SLC6A4: variants seen among roughly 807,000 people sequenced by gnomAD.
The protein encoded by SLC6A4 is sodium-dependent serotonin transporter.
A neutral mutation model predicts 73.4 loss-of-function variants in SLC6A4; 22 were observed. The observed-to-expected ratio is 0.30, with a 90% confidence interval of 0.21 to 0.43. The LOEUF is 0.43. Among genes scored for constraint, SLC6A4 ranks in the 20% least tolerant of loss-of-function variants. The pLI is 1.00. For missense variants in SLC6A4, 593 were observed against 808.5 expected (o/e 0.73, Z 3.23); for synonymous variants, 270 against 315.5 (o/e 0.86, Z 1.53).
At chr17:30,203,536 G>T in intron 13 of SLC6A4, 197 bp from the exon 14 acceptor site, 1 of 569,902 alleles carries the variant, frequency 1.8e-6, no homozygotes, top group Non-Finnish European at 3.1e-6. Context: ...ACACCAGCCA[G>T]GTGCTTTCCC....
intron 1 of SLC6A4, among the ~76,000 whole-genome samples, chr17:30,225,668 T>G (rs968003140): frequency 6.6e-6 from 1 of 152,186 alleles, no homozygotes; most frequent in African/African-American, 2.4e-5. Context: ...GGATGTGTGC[T>G]GTTGTTCCAG....
At chr17:30,218,476 G>T in intron 4 of SLC6A4, 139 bp from the exon 5 acceptor site, 1 of 683,778 alleles carries the variant, frequency 1.5e-6, no homozygotes. Context: ...CCATTCCAAG[G>T]ACTCCAGGCC....
chr17:30,198,594 CAACATT>C, intron 14 of SLC6A4, 64 bp from the exon 15 acceptor site: 2 of 882,512 alleles, frequency 2.3e-6, no homozygotes, highest in Admixed American at 1.9e-5. Flanking sequence ...CAAAAATAGT[CAACATT>C]AATATTAAAA....
At position 30,230,122 on chromosome 17, in the gene SLC6A4, AGAGGAGGAGGAGGAG is replaced by A. The variant is rs111715707; in HGVS notation, c.-221+5476_-221+5490del. On this transcript the variant is annotated intron_variant, in intron 1 of 14. Coordinates refer to ENST00000650711, the MANE Select transcript of SLC6A4 (RefSeq NM_001045.6). ...AGGAGGAAGAGGAAGAGGAAGAGGA[AGAGGAGGAGGAGGAG>A]GAGGAGGAGGAGGAAGAGGAAGAGG... Among the ~76,000 whole-genome samples the A allele has an allele frequency of 5.6e-3, 690 of 123,662 alleles. 7 individuals carry two copies. The highest frequency in any genetic ancestry group is 0.021 in the African/African-American group (668 of 32,142). The allele number at this position is 123,662 out of a possible 152,430, so 81.1% of individuals were successfully genotyped here.
Position 30,194,854 on chromosome 17 carries a change from TC to T in SLC6A4, c.*3601del, listed in dbSNP as rs1254420346. On this transcript the variant is annotated 3_prime_UTR_variant, in exon 15 of 15. Coordinates refer to ENST00000650711, the MANE Select transcript of SLC6A4 (RefSeq NM_001045.6). ...TGAAGGACTGATGCCATCTATTCTC[TC>T]CCCCAAACGACAAAATTCTTCTTAG... 2 of 152,182 alleles carry T rather than the reference TC, an allele frequency of 1.3e-5. No individual in the cohort carries two copies. The highest frequency in any genetic ancestry group is 2.9e-5 in the Non-Finnish European group (2 of 68,024). 9.4% of individuals were successfully genotyped at this position (152,182 alleles called of 1,614,324 possible).
chr17:30,212,497 C>T (rs1472719327), intron 9 of SLC6A4, among the ~76,000 whole-genome samples: 2 of 152,200 alleles, frequency 1.3e-5, no homozygotes, highest in Admixed American at 1.3e-4. Context: ...AGCAATCTTC[C>T]CACCTCAGCC....
intron 3 of SLC6A4, among the ~76,000 whole-genome samples, chr17:30,219,924 G>A (rs188065514): frequency 5.9e-5 from 9 of 152,302 alleles, no homozygotes; most frequent in Admixed American, 6.5e-5. Context: ...ATGTGTTCTC[G>A]TGATGGCCTT....
At chr17:30,205,344 A>C (rs914282075) in intron 13 of SLC6A4, among the ~76,000 whole-genome samples, 1 of 152,208 alleles carries the variant, frequency 6.6e-6, no homozygotes, top group African/African-American at 2.4e-5. Flanking sequence ...TAAACAAACA[A>C]ACAAACAAAC....
At chr17:30,231,353 C>T (rs1177062927) in intron 1 of SLC6A4, among the ~76,000 whole-genome samples, 3 of 150,758 alleles carry the variant, frequency 2.0e-5, no homozygotes, top group South Asian at 2.1e-4. Flanking sequence ...TGTAGGTATA[C>T]ATACAGATAC....
At chr17:30,224,367 T>TC (rs1330577742) in intron 1 of SLC6A4, among the ~76,000 whole-genome samples, 5 of 152,036 alleles carry the variant, frequency 3.3e-5, no homozygotes, top group African/African-American at 9.7e-5. Flanking sequence ...ACAGGCGTGC[T>TC]CCACCATGCC....
intron 2 of SLC6A4, 51 bp from the exon 3 acceptor site, chr17:30,222,132 A>T (rs909919742): frequency 8.3e-7 from 1 of 1,204,838 alleles, no homozygotes; most frequent in African/African-American, 1.5e-5. Context: ...CATTTTACTC[A>T]TCTTTGGTAT....
At chr17:30,234,760 T>C (rs1907218891) in intron 1 of SLC6A4, among the ~76,000 whole-genome samples, 1 of 152,204 alleles carries the variant, frequency 6.6e-6, no homozygotes, top group African/African-American at 2.4e-5. Flanking sequence ...TGGACAAAAC[T>C]GATGGTAAAA....
intron 14 of SLC6A4, among the ~76,000 whole-genome samples, chr17:30,199,082 ATAGT>A (rs1399885821): frequency 1.3e-5 from 2 of 152,222 alleles, no homozygotes; most frequent in South Asian, 2.1e-4. Context: ...AAATTATCAC[ATAGT>A]TAAACTGTAA....
In SLC6A4 at chr17:30,221,905, T is replaced by C. The variant is rs770067326; in HGVS notation, c.54A>G (p.Gly18=). 1 of 1,614,140 alleles carries C rather than the reference T, an allele frequency of 6.2e-7. No homozygotes were observed. Among genetic ancestry groups the C allele is most frequent in the Admixed American group, 1.7e-5 (1 of 60,018 alleles). ...SQKQLSACED[G]EDCQENGVLQ... is the part of the protein sequence containing the mutation. Reference sequence around the variant, plus strand: ...GAACTCCGTTTTCCTGACAATCTTCTCCATCTTCACACGCTGATAGCTGCT... The same window carrying C: ...GAACTCCGTTTTCCTGACAATCTTCCCCATCTTCACACGCTGATAGCTGCT... The change falls in exon 3 of 15, where the codon GGA becomes GGG. Residue 18 remains glycine, a synonymous_variant. Coordinates refer to ENST00000650711, the MANE Select transcript of SLC6A4 (RefSeq NM_001045.6).
intron 5 of SLC6A4, among the ~76,000 whole-genome samples, chr17:30,217,505 AAG>A (rs1170508626): frequency 6.6e-6 from 1 of 152,176 alleles, no homozygotes; most frequent in East Asian, 1.9e-4. Context: ...ACACCCTGGG[AAG>A]AGTGTTCAAC....
intron 1 of SLC6A4, among the ~76,000 whole-genome samples, chr17:30,233,804 A>G (rs1033807875): frequency 4.6e-5 from 7 of 152,220 alleles, no homozygotes; most frequent in African/African-American, 1.7e-4. Flanking sequence ...TGATTCATGA[A>G]GCCAAATTAA....
chr17:30,213,840 G>A (rs55810396), intron 8 of SLC6A4, among the ~76,000 whole-genome samples: 2,153 of 152,060 alleles, frequency 0.014, 48 homozygotes, highest in African/African-American at 0.048. Context: ...TTAACCTCCC[G>A]GGCTCAAGCA....
chr17:30,217,622 T>A (rs1423151015), intron 5 of SLC6A4, among the ~76,000 whole-genome samples: 2 of 151,954 alleles, frequency 1.3e-5, no homozygotes. Flanking sequence ...GTGTGGGGAG[T>A]TGGCTCCCTT....
chr17:30,225,700 G>A (rs1264563242), intron 1 of SLC6A4, among the ~76,000 whole-genome samples: 1 of 152,154 alleles, frequency 6.6e-6, no homozygotes, highest in Admixed American at 6.5e-5. Flanking sequence ...GACAGGCTGA[G>A]GGTGGTGCCG....
Sources: allele counts gnomAD v4.1 joint callset (sites outside exome capture counted in the v4.1 genomes callset), GRCh38; gene constraint gnomAD v4.1.1; transcripts MANE v1.5; gene names NCBI Gene and HGNC (gene_info 2026-07-23, HGNC 2026-07-21).